Variants in AHI1 observed in about 807,000 individuals in gnomAD.
The protein encoded by AHI1 is Abelson helper integration site 1, also known as jouberin.
In AHI1, 123 loss-of-function variants were observed where a neutral mutation model predicts 149.3. The ratio of observed to expected loss-of-function variants is 0.82; its 90% confidence interval spans 0.71 to 0.96. AHI1 has a LOEUF of 0.96. Ranked by LOEUF, AHI1 falls within the 40% of genes least tolerant of loss-of-function variation. The pLI, the probability that AHI1 is intolerant of heterozygous loss-of-function variation, is 0.00. For missense variants in AHI1, 1,439 were observed against 1,422.7 expected, an observed-to-expected ratio of 1.01 and a Z score of -0.18; for synonymous variants, 475 against 459.8, an observed-to-expected ratio of 1.03 and a Z score of -0.42.
intron 5 of AHI1, among the ~76,000 whole-genome samples, chr6:135,488,604 A>G (rs1051311552): frequency 6.6e-6 from 1 of 152,202 alleles, no homozygotes; most frequent in Non-Finnish European, 1.5e-5. Context: ...TCTATCTTGC[A>G]TGATTAACAT....
chr6:135,445,897 A>T (rs1787121055), intron 13 of AHI1, among the ~76,000 whole-genome samples: 1 of 152,124 alleles, frequency 6.6e-6, no homozygotes, highest in African/African-American at 2.4e-5. Context: ...TCTACTAAAA[A>T]TACAAAAAAT....
chr6:135,389,461 T>C (rs1167052231), intron 23 of AHI1, among the ~76,000 whole-genome samples: 3 of 152,072 alleles, frequency 2.0e-5, no homozygotes, highest in African/African-American at 4.8e-5. Context: ...TGAAGGAAAA[T>C]AGGATATGGC....
chr6:135,463,278 C>G lies in AHI1; in HGVS notation c.778G>C (p.Glu260Gln). 1 of 1,609,494 alleles carries G rather than the reference C, an allele frequency of 6.2e-7. No individual in the cohort carries two copies. The highest frequency in any genetic ancestry group is 8.5e-7 in the Non-Finnish European group (1 of 1,179,104). The part of the protein sequence containing the change: ...STLTISGDTV[E>Q]GEQKKESSVR... ...GAAGATTCTTTCTTTTGTTCACCTT[C>G]AACTGTGTCACCAGAGATGGTCAAT... The change falls in exon 8 of 29, where the codon GAA becomes CAA. Residue 260 changes from glutamate (E) to glutamine (Q), a missense_variant. Coordinates refer to ENST00000265602, the MANE Select transcript of AHI1 (RefSeq NM_001134831.2).
intron 24 of AHI1, among the ~76,000 whole-genome samples, chr6:135,331,544 T>C (rs369235554): frequency 7.9e-5 from 12 of 152,178 alleles, no homozygotes; most frequent in Admixed American, 6.5e-4. Flanking sequence ...AATATTATTA[T>C]AGTGGTCTCT....
intron 23 of AHI1, among the ~76,000 whole-genome samples, chr6:135,372,687 C>T (rs1019350846): frequency 1.3e-5 from 2 of 151,892 alleles, no homozygotes; most frequent in Non-Finnish European, 2.9e-5. Flanking sequence ...CAAATACACA[C>T]AAAAGTTTAA....
chr6:135,487,375 A>C (rs1284912672), intron 5 of AHI1, among the ~76,000 whole-genome samples: 1 of 152,176 alleles, frequency 6.6e-6, no homozygotes, highest in African/African-American at 2.4e-5. Context: ...CAATCTTTGA[A>C]AACAATTTGG....
chr6:135,489,351 C>T (rs1228412233), intron 5 of AHI1, among the ~76,000 whole-genome samples: 1 of 152,124 alleles, frequency 6.6e-6, no homozygotes, highest in African/African-American at 2.4e-5. Flanking sequence ...TTCTGATTAT[C>T]CATTTAATTT....
At chr6:135,434,612 T>C (rs939422203) in intron 15 of AHI1, among the ~76,000 whole-genome samples, 7 of 152,014 alleles carry the variant, frequency 4.6e-5, no homozygotes, top group African/African-American at 1.7e-4. Flanking sequence ...GTAAAGCTTT[T>C]TGTGTAAAAA....
chr6:135,363,193 C>T (rs1306974584), intron 23 of AHI1, among the ~76,000 whole-genome samples: 19 of 150,970 alleles, frequency 1.3e-4, no homozygotes, highest in African/African-American at 3.4e-4. Context: ...GAGGACCCTG[C>T]GGCCTTCCGC....
intron 5 of AHI1, among the ~76,000 whole-genome samples, chr6:135,483,226 C>G (rs1793990703): frequency 6.6e-6 from 1 of 151,850 alleles, no homozygotes; most frequent in South Asian, 2.1e-4. Flanking sequence ...TTTAGTTACC[C>G]CCTGAAAACA....
At chr6:135,320,150 G>C (rs760507194) in intron 25 of AHI1, among the ~76,000 whole-genome samples, 3 of 152,086 alleles carry the variant, frequency 2.0e-5, no homozygotes, top group Non-Finnish European at 4.4e-5. Context: ...GTAAAAAAAG[G>C]ATAAAAGGGA....
rs572494269 is a variant in AHI1 at position 135,327,105 on chromosome 6, A to G, written c.3166-3781T>C. ...TTAAAATGGATGAGTAGCAGTCGAC[A>G]TACATATACATAACACACTGAGAAA... On this transcript the variant is annotated intron_variant, in intron 24 of 28. Coordinates refer to ENST00000265602, the MANE Select transcript of AHI1 (RefSeq NM_001134831.2). Among the ~76,000 whole-genome samples the G allele has an allele frequency of 2.6e-5, 4 of 152,338 alleles. No individual in the cohort carries two copies. In the South Asian group the frequency reaches 8.3e-4, roughly 32 times the overall value.
intron 24 of AHI1, among the ~76,000 whole-genome samples, chr6:135,325,784 T>G (rs768188586): frequency 2.0e-5 from 3 of 152,194 alleles, no homozygotes; most frequent in Non-Finnish European, 2.9e-5. Context: ...ATGAGTCTCA[T>G]GCAAAGATGA....
At chr6:135,422,329 T>C (rs1783297313) in intron 20 of AHI1, among the ~76,000 whole-genome samples, 1 of 152,066 alleles carries the variant, frequency 6.6e-6, no homozygotes, top group African/African-American at 2.4e-5. Context: ...GTCTCAAACA[T>C]GGCAAAACCC....
intron 23 of AHI1, among the ~76,000 whole-genome samples, chr6:135,374,931 A>G (rs1351738826): frequency 6.6e-6 from 1 of 152,206 alleles, no homozygotes; most frequent in Non-Finnish European, 1.5e-5. Context: ...ACTACATGAG[A>G]TATTCAACAC....
intron 24 of AHI1, among the ~76,000 whole-genome samples, chr6:135,346,355 C>T (rs1383475251): frequency 1.3e-5 from 2 of 151,996 alleles, no homozygotes; most frequent in East Asian, 1.9e-4. Flanking sequence ...CCACCATGCC[C>T]GGCTAATTTT....
intron 8 of AHI1, among the ~76,000 whole-genome samples, chr6:135,460,104 A>C (rs1047886973): frequency 6.6e-6 from 1 of 152,010 alleles, no homozygotes; most frequent in Non-Finnish European, 1.5e-5. Flanking sequence ...GATCGCTTGA[A>C]CCTGGGAAGT....
rs558305606 is a variant in AHI1 at position 135,323,278 on chromosome 6, G to A, written c.3212C>T (p.Thr1071Ile). ...DYTANRSDEL[T>I]IHRGDIIRVF... ...TCGGATAATGTCTCCGCGATGGATG[G>A]TTAGTTCATCTGATCGATTCGCTGT... Residue 1071 changes from threonine to isoleucine, a missense_variant, in exon 25 of 29, where the codon ACC becomes ATC. Coordinates refer to ENST00000265602, the MANE Select transcript of AHI1 (RefSeq NM_001134831.2). 1 of 1,613,674 alleles carries A rather than the reference G, an allele frequency of 6.2e-7. No individual in the cohort carries two copies.
At chr6:135,430,115 T>C (rs920305532) in intron 17 of AHI1, 115 bp from the exon 18 acceptor site, 8 of 571,142 alleles carry the variant, frequency 1.4e-5, no homozygotes, top group Non-Finnish European at 2.4e-5. Context: ...TAGGATGCTT[T>C]AAAATTGTTA....
Sources: allele counts gnomAD v4.1 joint callset (sites outside exome capture counted in the v4.1 genomes callset), GRCh38; gene constraint gnomAD v4.1.1; transcripts MANE v1.5; gene names NCBI Gene and HGNC (gene_info 2026-07-23, HGNC 2026-07-21).